MACROD2: variants seen among roughly 807,000 people sequenced by gnomAD.
MACROD2 encodes mono-ADP ribosylhydrolase 2.
A neutral mutation model predicts 70.4 loss-of-function variants in MACROD2; 36 were observed. The observed-to-expected ratio is 0.51, with a 90% CI of 0.39 to 0.68. MACROD2 has a LOEUF of 0.68. MACROD2 is among the 30% of genes least tolerant of loss of function. The pLI is 0.00. For missense variants in MACROD2, 496 were observed against 538.4 expected (o/e 0.92, Z 0.78); for synonymous variants, 172 against 178.8 (o/e 0.96, Z 0.30).
intron 5 of MACROD2, among the ~76,000 whole-genome samples, chr20:15,002,288 T>G (rs897853635): frequency 6.7e-5 from 10 of 149,980 alleles, no homozygotes; most frequent in Non-Finnish European, 1.3e-4. Context: ...TATTTTTTTG[T>G]TTTTTTTGGC....
rs148813919 is a variant in MACROD2 at position 14,939,176 on chromosome 20, T to C, written c.418+254217T>C. 3.5e-3 allele frequency among the ~76,000 whole-genome samples: 531 copies of C among 152,208 alleles called. 7 individuals carry two copies. The highest frequency in any genetic ancestry group is 0.012 in the African/African-American group (479 of 41,550). ...AATCTTATGCAAAAAGTCTTTGCTT[T>C]GGCCTGGAGCATCTCCCCAAAGTTT... On this transcript the variant is annotated intron_variant, in intron 5 of 17. Transcript: ENST00000684519.
intron 4 of MACROD2, among the ~76,000 whole-genome samples, chr20:14,677,409 A>G (rs1486236074): frequency 6.6e-6 from 1 of 152,220 alleles, no homozygotes. Context: ...CTATAGTCTA[A>G]GGAAAGCTAA....
At chr20:15,234,009 A>ATATAT (rs1555795277) in intron 6 of MACROD2, among the ~76,000 whole-genome samples, 1 of 39,998 alleles carries the variant, frequency 2.5e-5, no homozygotes, top group East Asian at 9.8e-4. Context: ...ATATATATAT[A>ATATAT]TTCTTTTTTT....
intron 3 of MACROD2, among the ~76,000 whole-genome samples, chr20:14,475,823 C>T (rs750723924): frequency 6.6e-6 from 1 of 152,046 alleles, no homozygotes; most frequent in African/African-American, 2.4e-5. Flanking sequence ...AGGATCTTCT[C>T]TTTGTTTTCA....
At chr20:14,558,074 G>T (rs1251486115) in intron 4 of MACROD2, among the ~76,000 whole-genome samples, 1 of 151,602 alleles carries the variant, frequency 6.6e-6, no homozygotes, top group African/African-American at 2.4e-5. Flanking sequence ...AATGAACTTT[G>T]GAAAACTTAC....
chr20:15,806,864 G>A (rs2063773937), intron 8 of MACROD2, among the ~76,000 whole-genome samples: 1 of 152,078 alleles, frequency 6.6e-6, no homozygotes, highest in Non-Finnish European at 1.5e-5. Flanking sequence ...AAAATTGAAA[G>A]GAGACGTTTA....
chr20:14,857,650 C>T (rs890062353), intron 5 of MACROD2, among the ~76,000 whole-genome samples: 7 of 151,918 alleles, frequency 4.6e-5, no homozygotes, highest in African/African-American at 1.2e-4. Flanking sequence ...GTAATTAATG[C>T]GGAAAGTGGC....
intron 12 of MACROD2, among the ~76,000 whole-genome samples, chr20:15,944,923 CT>C (rs1294508531): frequency 1.3e-5 from 2 of 152,104 alleles, no homozygotes; most frequent in Non-Finnish European, 2.9e-5. Context: ...CAATTTTTCT[CT>C]TTTTGTTGCT....
At chr20:15,899,134 CA>C (rs1392493440) in intron 10 of MACROD2, among the ~76,000 whole-genome samples, 2 of 151,464 alleles carry the variant, frequency 1.3e-5, no homozygotes, top group African/African-American at 4.9e-5. Flanking sequence ...TATGCACATA[CA>C]AATATATGGG....
intron 8 of MACROD2, among the ~76,000 whole-genome samples, chr20:15,517,121 G>T (rs913273546): frequency 6.6e-6 from 1 of 152,036 alleles, no homozygotes; most frequent in African/African-American, 2.4e-5. Context: ...CATAGGTTCT[G>T]CTCAACTACT....
Position 14,243,049 on chromosome 20 carries a change from A to G in MACROD2, c.271+157321A>G, listed in dbSNP as rs561717193. Reference sequence around the variant, plus strand: ...ATACAGTGCATTGGCCTTCACACACAGTTATTGTATGTTTTGGCTCATCAT... The same window carrying G: ...ATACAGTGCATTGGCCTTCACACACGGTTATTGTATGTTTTGGCTCATCAT... On this transcript the variant is annotated intron_variant, in intron 3 of 17. Coordinates refer to ENST00000684519, the MANE Select transcript of MACROD2 (RefSeq NM_001351661.2). Among the ~76,000 whole-genome samples, 5 of 152,254 alleles carry G rather than the reference A, an allele frequency of 3.3e-5. No individual in the cohort carries two copies. In the East Asian group the frequency reaches 7.7e-4, roughly 23 times the overall value.
chr20:15,248,835 C>A (rs1384909266), intron 6 of MACROD2, among the ~76,000 whole-genome samples: 3 of 152,152 alleles, frequency 2.0e-5, no homozygotes, highest in South Asian at 2.1e-4. Flanking sequence ...ACCCCCTCCC[C>A]CACAAGAACT....
chr20:14,686,573 A>G (rs1013568512), intron 5 of MACROD2, among the ~76,000 whole-genome samples: 6 of 152,210 alleles, frequency 3.9e-5, no homozygotes, highest in Non-Finnish European at 8.8e-5. Flanking sequence ...ATGTTTACAT[A>G]CTTACCATTG....
intron 4 of MACROD2, among the ~76,000 whole-genome samples, chr20:14,682,775 G>T (rs995943184): frequency 2.0e-5 from 3 of 152,014 alleles, no homozygotes; most frequent in Admixed American, 6.6e-5. Context: ...TTTTGCACTT[G>T]TGTTAATAAT....
chr20:14,467,484 C>T (rs540000995), intron 3 of MACROD2, among the ~76,000 whole-genome samples: 13 of 152,184 alleles, frequency 8.5e-5, no homozygotes, highest in Middle Eastern at 3.4e-3. Flanking sequence ...TTGTGCTTCC[C>T]GGGTGAGGCG....
At chr20:16,042,351 G>A (rs934597405) in intron 16 of MACROD2, among the ~76,000 whole-genome samples, 2 of 152,002 alleles carry the variant, frequency 1.3e-5, no homozygotes, top group African/African-American at 2.4e-5. Context: ...TGGTTGTGAT[G>A]CTACAGACAT....
intron 5 of MACROD2, among the ~76,000 whole-genome samples, chr20:15,171,636 C>T (rs1312713232): frequency 6.6e-6 from 1 of 152,102 alleles, no homozygotes; most frequent in Admixed American, 6.6e-5. Flanking sequence ...TCTCTCTCCC[C>T]TCTCTTTCTC....
intron 3 of MACROD2, among the ~76,000 whole-genome samples, chr20:14,490,086 C>G (rs6042763): frequency 0.054 from 8,244 of 152,126 alleles, 723 homozygotes; most frequent in African/African-American, 0.19. Flanking sequence ...GATCATTTTT[C>G]ATTTAGGCTA....
chr20:15,505,106 G>A (rs1314479080), intron 8 of MACROD2, among the ~76,000 whole-genome samples: 1 of 152,036 alleles, frequency 6.6e-6, no homozygotes, highest in African/African-American at 2.4e-5. Flanking sequence ...GCACATATTT[G>A]CCATTTTTTC....
Sources: gnomAD v4.1 joint callset for allele counts (sites outside exome capture counted in the v4.1 genomes callset) on GRCh38, gnomAD v4.1.1 for gene constraint, MANE v1.5 for transcripts, NCBI Gene and HGNC (gene_info 2026-07-23, HGNC 2026-07-21) for gene names.